Variants in GAB2 observed in about 807,000 individuals in gnomAD.
The protein encoded by GAB2 is GRB2-associated-binding protein 2.
GAB2 carries 26 observed loss-of-function variants against 65.5 expected under a neutral mutation model. The ratio of observed to expected loss-of-function variants is 0.40; its 90% CI spans 0.29 to 0.55. GAB2 has a LOEUF of 0.55. GAB2 is among the 20% of genes least tolerant of loss of function. The pLI is 0.53. For missense variants in GAB2, 884 were observed against 875.8 expected, an observed-to-expected ratio of 1.01 and a Z score of -0.12; for synonymous variants, 321 against 329.6, an observed-to-expected ratio of 0.97 and a Z score of 0.28.
At chr11:78,308,147 G>T (rs1855411307) in intron 1 of GAB2, among the ~76,000 whole-genome samples, 1 of 152,150 alleles carries the variant, frequency 6.6e-6, no homozygotes, top group African/African-American at 2.4e-5. Flanking sequence ...CATATTATAA[G>T]TGTTAAAACA....
At chr11:78,276,758 T>C (rs1222992284) in intron 2 of GAB2, among the ~76,000 whole-genome samples, 2 of 152,252 alleles carry the variant, frequency 1.3e-5, no homozygotes, top group Non-Finnish European at 2.9e-5. Flanking sequence ...ACTGAAGTCC[T>C]ATACAGTAAA....
intron 1 of GAB2, among the ~76,000 whole-genome samples, chr11:78,288,567 A>T (rs939996267): frequency 1.3e-5 from 2 of 152,236 alleles, no homozygotes; most frequent in Non-Finnish European, 2.9e-5. Context: ...ATATAAAATA[A>T]AAATACAATG....
intron 1 of GAB2, among the ~76,000 whole-genome samples, chr11:78,307,906 AT>A (rs1209181786): frequency 6.6e-6 from 1 of 152,162 alleles, no homozygotes; most frequent in African/African-American, 2.4e-5. Context: ...AGAGACTGGC[AT>A]TTTAATCAGT....
intron 3 of GAB2, among the ~76,000 whole-genome samples, chr11:78,243,057 G>A (rs1865185379): frequency 6.6e-6 from 1 of 152,070 alleles, no homozygotes; most frequent in Admixed American, 6.5e-5. Context: ...AGCTACTCGG[G>A]TGGCTAAGGC....
intron 3 of GAB2, among the ~76,000 whole-genome samples, chr11:78,238,143 G>T (rs12291459): frequency 0.021 from 2,820 of 136,988 alleles, 103 homozygotes; most frequent in African/African-American, 0.075. Context: ...GTTTACCTAT[G>T]TAACAAACCT....
At chr11:78,238,234 T>C (rs934814101) in intron 3 of GAB2, among the ~76,000 whole-genome samples, 1 of 142,244 alleles carries the variant, frequency 7.0e-6, no homozygotes, top group Non-Finnish European at 1.5e-5. Flanking sequence ...AAAGAAAATG[T>C]GGCAGAAAAA....
At chr11:78,221,600 G>T in intron 8 of GAB2, 77 bp downstream of exon 8, 1 of 805,806 alleles carries the variant, frequency 1.2e-6, no homozygotes, top group Non-Finnish European at 2.1e-6. Context: ...AGTTAGCTAA[G>T]CTGGGAAGTG....
intron 3 of GAB2, among the ~76,000 whole-genome samples, chr11:78,243,812 C>G (rs908645700): frequency 2.6e-5 from 4 of 152,078 alleles, no homozygotes; most frequent in Non-Finnish European, 5.9e-5. Context: ...CCACTGCACT[C>G]CAGCCTGGAG....
chr11:78,383,679 G>T (rs1856727978), intron 1 of GAB2, among the ~76,000 whole-genome samples: 1 of 151,454 alleles, frequency 6.6e-6, no homozygotes, highest in South Asian at 2.1e-4. Context: ...GATGGCTTCA[G>T]CCCAGGAGGC....
chr11:78,249,910 CA>C lies in GAB2; in HGVS notation c.620+246del, dbSNP rs1449551283. ...CCTTCACCCCTGCCTCCAAATCAAA[CA>C]TTTTTTATAGCATGATTTTTGATAA... On this transcript the variant is annotated intron_variant, in intron 3 of 9. Coordinates refer to ENST00000361507, the MANE Select transcript of GAB2 (RefSeq NM_080491.3). 3.3e-5 allele frequency among the ~76,000 whole-genome samples: 5 copies of C among 151,754 alleles called. 1 individual carries two copies. The highest frequency in any genetic ancestry group is 2.0e-4 in the Admixed American group (3 of 15,214).
intron 1 of GAB2, among the ~76,000 whole-genome samples, chr11:78,342,785 TCA>T (rs1798668593): frequency 6.6e-6 from 1 of 152,206 alleles, no homozygotes; most frequent in Non-Finnish European, 1.5e-5. Flanking sequence ...AGGCCCAGGT[TCA>T]CATCATTTAG....
intron 1 of GAB2, among the ~76,000 whole-genome samples, chr11:78,348,593 G>C (rs1014795322): frequency 2.0e-5 from 3 of 152,184 alleles, no homozygotes; most frequent in Non-Finnish European, 4.4e-5. Flanking sequence ...CACACTAAGT[G>C]CTTCTGAGAT....
rs1468453611 is a variant in GAB2 at position 78,225,092 on chromosome 11, G to C, written c.1302+16C>G. ...ACCAGGCCGGCCTGAGGACCCTTGG[G>C]TTAACCCACACTCACCAGGAAAGAG... On this transcript the variant is annotated intron_variant, in intron 5 of 9. Transcript: ENST00000361507. The C allele has an allele frequency of 6.3e-7, 1 of 1,577,836 alleles. No individual in the cohort carries two copies. Among genetic ancestry groups the C allele is most frequent in the Admixed American group, 1.7e-5 (1 of 59,874 alleles).
At chr11:78,393,247 T>A (rs1388923221) in intron 1 of GAB2, among the ~76,000 whole-genome samples, 8 of 152,186 alleles carry the variant, frequency 5.3e-5, no homozygotes, top group Admixed American at 2.6e-4. Context: ...TCAGGTCAGG[T>A]CAATCTTTTC....
intron 1 of GAB2, among the ~76,000 whole-genome samples, chr11:78,351,254 C>CTT (rs1373581473): frequency 6.9e-6 from 1 of 145,310 alleles, no homozygotes; most frequent in Non-Finnish European, 1.5e-5. Flanking sequence ...ACCCAGTGGC[C>CTT]TTTTTTTTTT....
intron 1 of GAB2, among the ~76,000 whole-genome samples, chr11:78,330,313 T>C (rs1855893793): frequency 6.6e-6 from 1 of 152,232 alleles, no homozygotes; most frequent in African/African-American, 2.4e-5. Context: ...TTTCTCACAG[T>C]GATCCCTGGG....
intron 2 of GAB2, among the ~76,000 whole-genome samples, chr11:78,254,119 C>G (rs1186338717): frequency 6.6e-6 from 1 of 152,160 alleles, no homozygotes; most frequent in Non-Finnish European, 1.5e-5. Context: ...CTCTCAGAGT[C>G]TCAGTCTCCT....
At chr11:78,306,243 T>G (rs1855355941) in intron 1 of GAB2, among the ~76,000 whole-genome samples, 1 of 152,230 alleles carries the variant, frequency 6.6e-6, no homozygotes, top group Non-Finnish European at 1.5e-5. Flanking sequence ...TTTATTCATT[T>G]TTTTTGAGAT....
intron 3 of GAB2, among the ~76,000 whole-genome samples, chr11:78,238,266 G>A (rs1207194486): frequency 6.6e-6 from 1 of 151,340 alleles, no homozygotes; most frequent in Non-Finnish European, 1.5e-5. Flanking sequence ...GCCAGGTGTG[G>A]TGGCTCATTC....
Sources: gnomAD v4.1 joint callset for allele counts (sites outside exome capture counted in the v4.1 genomes callset) on GRCh38, gnomAD v4.1.1 for gene constraint, MANE v1.5 for transcripts, NCBI Gene and HGNC (gene_info 2026-07-23, HGNC 2026-07-21) for gene names.